ARID1B: variants seen among roughly 807,000 people sequenced by gnomAD.
ARID1B encodes AT-rich interaction domain 1B, also known as AT-rich interactive domain-containing protein 1B.
A neutral mutation model predicts 212.3 loss-of-function variants in ARID1B; 30 were observed. That is an observed-to-expected ratio of 0.14 (90% CI 0.11 to 0.19). ARID1B has a LOEUF of 0.19. Ranked by LOEUF, ARID1B falls within the 10% of genes least tolerant of loss-of-function variation. The pLI is 1.00. For missense variants in ARID1B, 2,891 were observed against 3,204.0 expected (o/e 0.90, Z 2.36); for synonymous variants, 1,402 against 1,301.7 (o/e 1.08, Z -1.66).
At chr6:157,103,115 A>C (rs1300100670) in intron 5 of ARID1B, among the ~76,000 whole-genome samples, 1 of 152,258 alleles carries the variant, frequency 6.6e-6, no homozygotes, top group African/African-American at 2.4e-5. Flanking sequence ...AATGTTTACT[A>C]TCTGGCAGTT....
intron 3 of ARID1B, among the ~76,000 whole-genome samples, chr6:156,929,415 C>G (rs1339913089): frequency 6.6e-6 from 1 of 152,186 alleles, no homozygotes; most frequent in Non-Finnish European, 1.5e-5. Flanking sequence ...GGCTGTGTGG[C>G]CACCAGGCAT....
chr6:157,027,780 A>G (rs1272987053), intron 4 of ARID1B, among the ~76,000 whole-genome samples: 1 of 152,226 alleles, frequency 6.6e-6, no homozygotes, highest in African/African-American at 2.4e-5. Flanking sequence ...TGTGTCCACA[A>G]TATGTCTTCT....
At chr6:156,891,728 CT>C (rs1012348194) in intron 2 of ARID1B, among the ~76,000 whole-genome samples, 23 of 144,122 alleles carry the variant, frequency 1.6e-4, no homozygotes, top group African/African-American at 5.7e-4. Flanking sequence ...CACCTCTGCT[CT>C]TTTTTTTCCC....
intron 3 of ARID1B, among the ~76,000 whole-genome samples, chr6:156,921,880 A>G (rs190262686): frequency 1.4e-3 from 216 of 150,060 alleles, no homozygotes; most frequent in African/African-American, 5.2e-3. Context: ...TCTTTCCTTC[A>G]GTTATTTTAG....
intron 8 of ARID1B, among the ~76,000 whole-genome samples, chr6:157,160,929 C>T (rs149883543): frequency 0.012 from 1,864 of 152,312 alleles, 38 homozygotes; most frequent in African/African-American, 0.042. Context: ...AACACACAGA[C>T]CTCTCCAAGC....
intron 18 of ARID1B, among the ~76,000 whole-genome samples, chr6:157,202,043 GA>G (rs1237872554): frequency 6.6e-6 from 1 of 152,166 alleles, no homozygotes; most frequent in African/African-American, 2.4e-5. Flanking sequence ...ATTTCCGTGG[GA>G]AAAAGTTAAA....
chr6:156,913,943 A>G (rs758244122), intron 3 of ARID1B, among the ~76,000 whole-genome samples: 4 of 140,554 alleles, frequency 2.8e-5, no homozygotes, highest in Non-Finnish European at 4.6e-5. Context: ...CCACTCCCCA[A>G]CGACCAGCCC....
intron 1 of ARID1B, among the ~76,000 whole-genome samples, chr6:156,814,609 A>G (rs1445125546): frequency 6.6e-6 from 1 of 152,158 alleles, no homozygotes; most frequent in Non-Finnish European, 1.5e-5. Context: ...GCTTTTAGTT[A>G]ATGTTGAGGA....
intron 4 of ARID1B, among the ~76,000 whole-genome samples, chr6:157,028,766 C>A (rs1051012345): frequency 6.6e-6 from 1 of 152,168 alleles, no homozygotes; most frequent in African/African-American, 2.4e-5. Context: ...GGTACTGTGA[C>A]CACATAAGCC....
intron 2 of ARID1B, among the ~76,000 whole-genome samples, chr6:156,847,830 G>A (rs1376728878): frequency 1.3e-5 from 2 of 152,162 alleles, no homozygotes; most frequent in East Asian, 3.8e-4. Context: ...CCGGCTCTCT[G>A]CAGATGTGGC....
intron 4 of ARID1B, among the ~76,000 whole-genome samples, chr6:156,963,846 C>T (rs1453577788): frequency 6.6e-6 from 1 of 152,112 alleles, no homozygotes; most frequent in South Asian, 2.1e-4. Context: ...GGTAGCAGTC[C>T]GAGAGGCAGG....
At chr6:156,964,282 T>C (rs1794594250) in intron 4 of ARID1B, among the ~76,000 whole-genome samples, 1 of 152,250 alleles carries the variant, frequency 6.6e-6, no homozygotes, top group South Asian at 2.1e-4. Context: ...CTCTTTGACA[T>C]CAGAAAAGCA....
chr6:157,146,492 G>A (rs1389408443), intron 7 of ARID1B, among the ~76,000 whole-genome samples: 1 of 152,012 alleles, frequency 6.6e-6, no homozygotes, highest in African/African-American at 2.4e-5. Context: ...CCCACCAAGG[G>A]GACCCTCAAG....
chr6:156,778,270 A>G lies in ARID1B; in HGVS notation c.590A>G (p.Gln197Arg), dbSNP rs747743024. The G allele has an allele frequency of 2.4e-5, 36 of 1,482,100 alleles. 1 individual carries two copies. In the Middle Eastern group the frequency reaches 5.3e-4, roughly 22 times the overall value. The allele number at this position is 1,482,100 out of a possible 1,614,324, so 91.8% of individuals were successfully genotyped here. A position where few individuals can be genotyped will look rare whatever the true frequency, so the allele number is the denominator to read the frequency against. The change falls in exon 1 of 20, where the codon CAG becomes CGG. Residue 197 changes from glutamine (Q) to arginine (R), a missense_variant. Coordinates refer to ENST00000636930, the MANE Select transcript of ARID1B (RefSeq NM_001374828.1). ...HALQQQLNQF[Q>R]QQQQQQQQQQ... ...CTACAGCAGCAGCTAAACCAGTTCCAGCAGCAGCAGCAGCAGCAGCAACAG... is the reference window on the plus strand; with the variant it reads ...CTACAGCAGCAGCTAAACCAGTTCCGGCAGCAGCAGCAGCAGCAGCAACAG...
intron 6 of ARID1B, among the ~76,000 whole-genome samples, chr6:157,118,194 G>A (rs940176611): frequency 2.6e-5 from 4 of 152,132 alleles, no homozygotes; most frequent in African/African-American, 4.8e-5. Flanking sequence ...AAATGAAGGA[G>A]ACCACCCGGA....
chr6:157,154,900 TTTTTG>T (rs112112944), intron 8 of ARID1B, among the ~76,000 whole-genome samples: 61 of 151,926 alleles, frequency 4.0e-4, no homozygotes, highest in South Asian at 3.3e-3. Flanking sequence ...TCTTTCTACT[TTTTTG>T]TTTTGTTTTG....
chr6:156,795,305 C>T (rs1780286623), intron 1 of ARID1B, among the ~76,000 whole-genome samples: 2 of 152,152 alleles, frequency 1.3e-5, no homozygotes, highest in Admixed American at 6.5e-5. Flanking sequence ...TCCAGAAATC[C>T]ATGAGTCCGA....
chr6:156,914,710 T>C (rs1790204255), intron 3 of ARID1B, among the ~76,000 whole-genome samples: 1 of 152,204 alleles, frequency 6.6e-6, no homozygotes, highest in Non-Finnish European at 1.5e-5. Flanking sequence ...CTGCAGGTAA[T>C]CACTAATTTG....
In ARID1B at chr6:156,955,975, G is replaced by A. The variant is rs937278478; in HGVS notation, c.2247+20399G>A. On this transcript the variant is annotated intron_variant, in intron 4 of 19. Coordinates refer to ENST00000636930, the MANE Select transcript of ARID1B (RefSeq NM_001374828.1). This position sits in a 1 kb window ranked among gnomAD's most constrained non-coding sequence, Gnocchi z 4.2. ...TCTGTGTATCTGCCAAGTGCCCTGT[G>A]CTTTGCTTTTTACCACCAACTGCTT... Among the ~76,000 whole-genome samples, 3 of 152,168 alleles carry A rather than the reference G, an allele frequency of 2.0e-5. No homozygotes were observed. Among genetic ancestry groups the A allele is most frequent in the African/African-American group, 7.2e-5 (3 of 41,436 alleles).
Sources: allele counts gnomAD v4.1 joint callset (sites outside exome capture counted in the v4.1 genomes callset), GRCh38; gene constraint gnomAD v4.1.1; non-coding constraint Gnocchi (gnomAD v3.1); transcripts MANE v1.5; gene names NCBI Gene and HGNC (gene_info 2026-07-23, HGNC 2026-07-21).